The following LSAMP variants were observed in gnomAD, a reference collection of about 807,000 sequenced individuals.
LSAMP encodes limbic system-associated membrane protein.
In LSAMP, 7 loss-of-function variants were observed where a neutral mutation model predicts 38.6. That is an observed-to-expected ratio of 0.18 (90% CI 0.10 to 0.34). The LOEUF is 0.34. LSAMP is among the 10% of genes least tolerant of loss of function. The pLI is 1.00. For missense variants in LSAMP, 313 were observed against 420.0 expected (o/e 0.75, Z 2.23); for synonymous variants, 154 against 166.8 (o/e 0.92, Z 0.59).
intron 2 of LSAMP, among the ~76,000 whole-genome samples, chr3:116,057,197 T>C (rs1941505381): frequency 6.6e-6 from 1 of 152,148 alleles, no homozygotes; most frequent in Non-Finnish European, 1.5e-5. Flanking sequence ...CTTTGCTTAG[T>C]GGCACATTTA....
At chr3:115,983,283 A>C (rs891076502) in intron 3 of LSAMP, among the ~76,000 whole-genome samples, 2 of 152,170 alleles carry the variant, frequency 1.3e-5, no homozygotes, top group Non-Finnish European at 2.9e-5. Flanking sequence ...TGGGAGACTG[A>C]GCAGGGAGGA....
At chr3:116,429,180 G>A (rs1576218539) in intron 1 of LSAMP, among the ~76,000 whole-genome samples, 1 of 152,224 alleles carries the variant, frequency 6.6e-6, no homozygotes, top group East Asian at 1.9e-4. Context: ...GTACATGTCA[G>A]CTCTACAGGA....
rs1559828903 is a variant in LSAMP at position 115,808,135 on chromosome 3, T to TCCCTCCCTCCCTCCCC, written c.*2166_*2181dup. On this transcript the variant is annotated 3_prime_UTR_variant, in exon 7 of 7. Transcript: ENST00000490035. ...CTCCCTCCCTCCCTCCCTCCCTCCC[T>TCCCTCCCTCCCTCCCC]CCCTCCCTCCCTCCCCCCCTTCCCC... The TCCCTCCCTCCCTCCCC allele has an allele frequency of 2.0e-5, 1 of 49,266 alleles. No individual in the cohort carries two copies. The highest frequency in any genetic ancestry group is 3.5e-5 in the Non-Finnish European group (1 of 28,296). 3.1% of individuals were successfully genotyped at this position (49,266 alleles called of 1,614,324 possible).
In LSAMP at chr3:116,330,739, C is replaced by G. The variant is rs922871796; in HGVS notation, c.155+114138G>C. Among the ~76,000 whole-genome samples, 23 of 152,084 alleles carry G rather than the reference C, an allele frequency of 1.5e-4. 1 individual carries two copies. Among genetic ancestry groups the G allele is most frequent in the Admixed American group, 1.5e-3 (23 of 15,256 alleles). ...TTAACTCTCAGGCTGATCCATGGCA[C>G]AGAAACAGCCTAAACAATTTTTAAA... On this transcript the variant is annotated intron_variant, in intron 1 of 6. Coordinates refer to ENST00000490035, the MANE Select transcript of LSAMP (RefSeq NM_002338.5).
chr3:116,391,233 T>C (rs1380308298), intron 1 of LSAMP, among the ~76,000 whole-genome samples: 2 of 151,726 alleles, frequency 1.3e-5, no homozygotes, highest in Non-Finnish European at 2.9e-5. Flanking sequence ...GCCATCGCGC[T>C]GGCAGTAGCG....
intron 3 of LSAMP, among the ~76,000 whole-genome samples, chr3:115,920,542 T>C (rs1937358434): frequency 6.6e-6 from 1 of 152,182 alleles, no homozygotes; most frequent in African/African-American, 2.4e-5. Context: ...TTTGCCCATT[T>C]CTTAGATCAG....
At chr3:116,065,201 T>C (rs540677706) in intron 2 of LSAMP, among the ~76,000 whole-genome samples, 1 of 152,320 alleles carries the variant, frequency 6.6e-6, no homozygotes, top group South Asian at 2.1e-4. Context: ...AATAGCTGTT[T>C]ACTCCGACTG....
chr3:115,980,207 T>C (rs1325306750), intron 3 of LSAMP, among the ~76,000 whole-genome samples: 1 of 151,944 alleles, frequency 6.6e-6, no homozygotes, highest in Admixed American at 6.6e-5. Context: ...CCTTGTCAAT[T>C]CATTTCCCTC....
intron 1 of LSAMP, among the ~76,000 whole-genome samples, chr3:116,305,182 C>A (rs1442784066): frequency 1.3e-5 from 2 of 151,994 alleles, no homozygotes; most frequent in Non-Finnish European, 2.9e-5. Context: ...TACTATAGTT[C>A]CCTCATAATA....
At chr3:115,949,985 A>G (rs938383479) in intron 3 of LSAMP, among the ~76,000 whole-genome samples, 2 of 152,160 alleles carry the variant, frequency 1.3e-5, no homozygotes, top group Non-Finnish European at 2.9e-5. Flanking sequence ...AAAAACAAAA[A>G]CCGTATGATC....
intron 2 of LSAMP, among the ~76,000 whole-genome samples, chr3:116,078,802 G>T (rs1707808378): frequency 6.6e-6 from 1 of 151,898 alleles, no homozygotes; most frequent in Admixed American, 6.6e-5. Flanking sequence ...TTACTTCCTG[G>T]CCCAAGAGAT....
intron 1 of LSAMP, among the ~76,000 whole-genome samples, chr3:116,104,701 C>T (rs1708423296): frequency 6.6e-6 from 1 of 152,194 alleles, no homozygotes; most frequent in African/African-American, 2.4e-5. Flanking sequence ...CGCAAGTGAA[C>T]TACCTCACGT....
intron 1 of LSAMP, among the ~76,000 whole-genome samples, chr3:116,375,420 G>A (rs1576173652): frequency 6.6e-6 from 1 of 151,692 alleles, no homozygotes; most frequent in East Asian, 1.9e-4. Flanking sequence ...AGGAATTTAG[G>A]AAGTTTTTTA....
intron 2 of LSAMP, among the ~76,000 whole-genome samples, chr3:116,031,222 G>A (rs577584832): frequency 2.6e-5 from 4 of 152,152 alleles, no homozygotes; most frequent in African/African-American, 9.6e-5. Flanking sequence ...TTATGCTTAA[G>A]GATCATACAA....
At chr3:115,810,482 C>T in intron 6 of LSAMP, 68 bp from the exon 7 acceptor site, 2 of 1,043,898 alleles carry the variant, frequency 1.9e-6, no homozygotes, top group Non-Finnish European at 3.0e-6. Flanking sequence ...TTATAGCTGA[C>T]TGCTGATGGT....
chr3:115,902,300 T>C (rs1301469305), intron 3 of LSAMP, among the ~76,000 whole-genome samples: 1 of 152,006 alleles, frequency 6.6e-6, no homozygotes, highest in Non-Finnish European at 1.5e-5. Flanking sequence ...TGCCCATGTA[T>C]TGGAAAAGAC....
rs146808735 is a variant in LSAMP at position 116,253,518 on chromosome 3, T to TAAG, written c.156-166965_156-166963dup. ...GATGGTAATTCACAGCAACCCAAAATAAGACTACAGAGGCAACAGAAAAGA... is the reference window on the plus strand; with the variant it reads ...GATGGTAATTCACAGCAACCCAAAATAAGAAGACTACAGAGGCAACAGAAAAGA... On this transcript the variant is annotated intron_variant, in intron 1 of 6. Coordinates refer to ENST00000490035, the MANE Select transcript of LSAMP (RefSeq NM_002338.5). Among the ~76,000 whole-genome samples the TAAG allele has an allele frequency of 2.6e-5, 4 of 152,296 alleles. No individual in the cohort carries two copies. In the East Asian group the frequency reaches 7.7e-4, roughly 29 times the overall value.
Position 115,998,983 on chromosome 3 carries a change from C to T in LSAMP, c.514+20532G>A, listed in dbSNP as rs550664709. 1.5e-4 allele frequency among the ~76,000 whole-genome samples: 23 copies of T among 152,210 alleles called. 1 individual carries two copies. In the South Asian group the frequency reaches 4.8e-3, roughly 32 times the overall value. ...TCCTCCAGGGAGGAAGAATGAAAGA[C>T]CCATGGTATCAATTTAAAGCAAAAA... On this transcript the variant is annotated intron_variant, in intron 3 of 6. Coordinates refer to ENST00000490035, the MANE Select transcript of LSAMP (RefSeq NM_002338.5).
intron 3 of LSAMP, among the ~76,000 whole-genome samples, chr3:115,933,491 G>T (rs1462088155): frequency 6.6e-6 from 1 of 152,172 alleles, no homozygotes; most frequent in Non-Finnish European, 1.5e-5. Context: ...AACATTAAGA[G>T]AAACTAGTTG....
Sources: allele counts gnomAD v4.1 joint callset (sites outside exome capture counted in the v4.1 genomes callset), GRCh38; gene constraint gnomAD v4.1.1; transcripts MANE v1.5; gene names NCBI Gene and HGNC (gene_info 2026-07-23, HGNC 2026-07-21).